Variants in SLC24A3 observed in about 807,000 individuals in gnomAD.
SLC24A3 encodes sodium/potassium/calcium exchanger 3.
SLC24A3 carries 28 observed loss-of-function variants against 75.8 expected under a neutral mutation model. The ratio of observed to expected loss-of-function variants is 0.37; its 90% CI spans 0.27 to 0.51. SLC24A3 has a LOEUF of 0.51. Ranked by LOEUF, SLC24A3 falls within the 20% of genes least tolerant of loss-of-function variation. The pLI, the probability that SLC24A3 is intolerant of heterozygous loss-of-function variation, is 0.94. For missense variants in SLC24A3, 663 were observed against 847.8 expected, an observed-to-expected ratio of 0.78 and a Z score of 2.71; for synonymous variants, 372 against 334.1, an observed-to-expected ratio of 1.11 and a Z score of -1.24.
At chr20:19,282,092 AT>A (rs1288366605) in intron 2 of SLC24A3, among the ~76,000 whole-genome samples, 1 of 152,148 alleles carries the variant, frequency 6.6e-6, no homozygotes, top group African/African-American at 2.4e-5. Context: ...GCACGGAAGG[AT>A]ATAAACAATC....
At chr20:19,459,966 C>T (rs1987642023) in intron 2 of SLC24A3, among the ~76,000 whole-genome samples, 1 of 152,166 alleles carries the variant, frequency 6.6e-6, no homozygotes, top group African/African-American at 2.4e-5. Context: ...AGGTCTGGAG[C>T]TAAACCCAAG....
chr20:19,655,552 G>C (rs1303783055), intron 7 of SLC24A3, among the ~76,000 whole-genome samples: 2 of 152,184 alleles, frequency 1.3e-5, no homozygotes, highest in Non-Finnish European at 2.9e-5. Context: ...ATTTCTGGCT[G>C]TCTGTGAGAG....
intron 1 of SLC24A3, among the ~76,000 whole-genome samples, chr20:19,248,024 C>G (rs904214677): frequency 6.6e-6 from 1 of 152,138 alleles, no homozygotes; most frequent in Non-Finnish European, 1.5e-5. Flanking sequence ...TAAAAGACAA[C>G]TTGCTAAATG....
intron 15 of SLC24A3, among the ~76,000 whole-genome samples, chr20:19,703,585 A>G (rs986331508): frequency 6.6e-6 from 1 of 152,254 alleles, no homozygotes; most frequent in Non-Finnish European, 1.5e-5. Context: ...GAGTCATTCA[A>G]GAAAAAGTTA....
chr20:19,491,056 C>A (rs2122530329), intron 2 of SLC24A3, among the ~76,000 whole-genome samples: 1 of 152,344 alleles, frequency 6.6e-6, no homozygotes, highest in African/African-American at 2.4e-5. Flanking sequence ...TTCCCATGCA[C>A]TAATCACCCA....
chr20:19,451,043 T>C (rs546102234), intron 2 of SLC24A3, among the ~76,000 whole-genome samples: 2 of 152,048 alleles, frequency 1.3e-5, no homozygotes, highest in Non-Finnish European at 2.9e-5. Context: ...ACTTCTGGGG[T>C]TTTGTTAATG....
At chr20:19,719,317 G>A (rs1004357956) in intron 16 of SLC24A3, among the ~76,000 whole-genome samples, 3 of 152,188 alleles carry the variant, frequency 2.0e-5, no homozygotes, top group Non-Finnish European at 2.9e-5. Flanking sequence ...GAAAAAAAGT[G>A]TTATTTTAAG....
At chr20:19,290,244 A>C (rs1983907611) in intron 2 of SLC24A3, among the ~76,000 whole-genome samples, 1 of 152,084 alleles carries the variant, frequency 6.6e-6, no homozygotes, top group Non-Finnish European at 1.5e-5. Context: ...GGAGATTTTA[A>C]ACCCAGGTCC....
intron 15 of SLC24A3, among the ~76,000 whole-genome samples, chr20:19,704,143 T>TTGGA (rs573036833): frequency 2.6e-4 from 39 of 149,490 alleles, no homozygotes; most frequent in Middle Eastern, 3.4e-3. Flanking sequence ...CAAATATTTG[T>TTGGA]TGGATGGATG....
chr20:19,430,128 A>G (rs1987075343), intron 2 of SLC24A3, among the ~76,000 whole-genome samples: 1 of 151,990 alleles, frequency 6.6e-6, no homozygotes, highest in Non-Finnish European at 1.5e-5. Context: ...CCCTAATACT[A>G]TGTCTTTCTT....
chr20:19,218,684 T>C (rs1039710299), intron 1 of SLC24A3, among the ~76,000 whole-genome samples: 48 of 152,094 alleles, frequency 3.2e-4, no homozygotes, highest in Admixed American at 9.8e-4. Flanking sequence ...CCTCAAATCC[T>C]TGTGGGAAGC....
intron 2 of SLC24A3, among the ~76,000 whole-genome samples, chr20:19,419,164 G>T (rs6075509): frequency 0.56 from 84,438 of 151,984 alleles, 24,264 homozygotes; most frequent in East Asian, 0.91. Context: ...AAAGAAGGAA[G>T]GAAAACAAAT....
intron 2 of SLC24A3, chr20:19,284,350 C>T (rs930522687): frequency 1.3e-5 from 2 of 152,678 alleles, no homozygotes; most frequent in Admixed American, 6.5e-5. Flanking sequence ...GTTCAGTTTT[C>T]CTTAAGAGGC....
At chr20:19,719,917 G>A (rs1024860275) in intron 16 of SLC24A3, among the ~76,000 whole-genome samples, 59 of 152,324 alleles carry the variant, frequency 3.9e-4, no homozygotes, top group African/African-American at 1.4e-3. Flanking sequence ...CGGGCAAAGT[G>A]GGTGAAGCCT....
At chr20:19,668,473 T>C (rs1237561662) in intron 8 of SLC24A3, among the ~76,000 whole-genome samples, 1 of 152,196 alleles carries the variant, frequency 6.6e-6, no homozygotes, top group Non-Finnish European at 1.5e-5. Flanking sequence ...TTCCTCATTA[T>C]AGAACATTCC....
intron 6 of SLC24A3, among the ~76,000 whole-genome samples, chr20:19,637,981 T>A (rs2032021507): frequency 6.6e-6 from 1 of 152,216 alleles, no homozygotes; most frequent in South Asian, 2.1e-4. Context: ...TTTATTTACA[T>A]GTGCAGAACG....
intron 2 of SLC24A3, among the ~76,000 whole-genome samples, chr20:19,448,744 G>A (rs1031236284): frequency 1.3e-5 from 2 of 152,218 alleles, no homozygotes; most frequent in African/African-American, 2.4e-5. Flanking sequence ...TTTGTATGGT[G>A]TGGATGACAC....
intron 6 of SLC24A3, among the ~76,000 whole-genome samples, chr20:19,642,099 G>T (rs2032081922): frequency 6.6e-6 from 1 of 152,194 alleles, no homozygotes. Flanking sequence ...GTAAAGTGCT[G>T]AGCACAGTGT....
chr20:19,651,689 C>T lies in SLC24A3; in HGVS notation c.613-2373C>T, dbSNP rs1027204128. On this transcript the variant is annotated intron_variant, in intron 6 of 16. Coordinates refer to ENST00000328041, the MANE Select transcript of SLC24A3 (RefSeq NM_020689.4). Reference sequence around the variant, plus strand: ...CCTGGCTAACACGGTGAAACCCTGTCTCTACTAAAAAATACAAAAAAATTT... The same window carrying T: ...CCTGGCTAACACGGTGAAACCCTGTTTCTACTAAAAAATACAAAAAAATTT... 1.2e-3 allele frequency among the ~76,000 whole-genome samples: 184 copies of T among 151,984 alleles called. 2 individuals carry two copies. The highest frequency in any genetic ancestry group is 2.2e-3 in the Non-Finnish European group (152 of 67,980).
Sources: gnomAD v4.1 joint callset for allele counts (sites outside exome capture counted in the v4.1 genomes callset) on GRCh38, gnomAD v4.1.1 for gene constraint, MANE v1.5 for transcripts, NCBI Gene and HGNC (gene_info 2026-07-23, HGNC 2026-07-21) for gene names.